Variants in CCDC60 observed in about 807,000 individuals in gnomAD.
The protein encoded by CCDC60 is coiled-coil domain containing 60, also known as coiled-coil domain-containing protein 60.
Under a neutral mutation model 63.5 loss-of-function variants are expected in CCDC60, and 54 were observed. The ratio of observed to expected loss-of-function variants is 0.85; its 90% CI spans 0.68 to 1.07. CCDC60 has a LOEUF of 1.07. Among genes scored for constraint, CCDC60 ranks in the 50% least tolerant of loss-of-function variants. CCDC60 has a pLI of 0.00. For synonymous variants in CCDC60, 206 were observed against 238.8 expected (o/e 0.86, Z 1.27); for missense variants, 651 against 684.3 (o/e 0.95, Z 0.54).
At chr12:119,392,871 G>T (rs967688740) in intron 1 of CCDC60, among the ~76,000 whole-genome samples, 1 of 152,134 alleles carries the variant, frequency 6.6e-6, no homozygotes, top group African/African-American at 2.4e-5. Context: ...TAACAGTTTT[G>T]TGGCCAGGTG....
chr12:119,355,070 A>G (rs937026620), intron 1 of CCDC60, among the ~76,000 whole-genome samples: 6 of 152,180 alleles, frequency 3.9e-5, no homozygotes, highest in Non-Finnish European at 7.3e-5. Context: ...CCTTGAACAA[A>G]TCACCTCTCA....
Position 119,335,090 on chromosome 12 carries a change from C to G in CCDC60, c.-87C>G. 2 of 1,107,106 alleles carry G rather than the reference C, an allele frequency of 1.8e-6. No individual in the cohort carries two copies. Among genetic ancestry groups the G allele is most frequent in the Non-Finnish European group, 2.6e-6 (2 of 763,534 alleles). The allele number at this position is 1,107,106 out of a possible 1,614,324, so 68.6% of individuals were successfully genotyped here. On this transcript the variant is annotated 5_prime_UTR_variant, in exon 1 of 14. Transcript: ENST00000327554. ...GGGGATCAGGGAGAAGTTGCCGAAA[C>G]TTCTCATACCAGTAACTACTGAAGT...
At chr12:119,452,014 C>A (rs367716356) in intron 2 of CCDC60, among the ~76,000 whole-genome samples, 1 of 152,082 alleles carries the variant, frequency 6.6e-6, no homozygotes. Flanking sequence ...CCCCACAATG[C>A]GCCAAAGGGA....
intron 2 of CCDC60, among the ~76,000 whole-genome samples, chr12:119,464,001 T>C (rs1593125289): frequency 6.6e-6 from 1 of 151,420 alleles, no homozygotes; most frequent in East Asian, 2.0e-4. Context: ...CTCTCTCCCT[T>C]CCTTACTTCC....
At chr12:119,426,515 C>G (rs1956904459) in intron 1 of CCDC60, among the ~76,000 whole-genome samples, 1 of 152,002 alleles carries the variant, frequency 6.6e-6, no homozygotes, top group African/African-American at 2.4e-5. Flanking sequence ...ACCACACATG[C>G]TTGGCTAATT....
intron 7 of CCDC60, among the ~76,000 whole-genome samples, chr12:119,514,533 A>G (rs553281670): frequency 6.6e-6 from 1 of 152,246 alleles, no homozygotes; most frequent in South Asian, 2.1e-4. Flanking sequence ...ATTTTAAAAA[A>G]TAGAAAAATG....
At chr12:119,348,218 T>G (rs1435366189) in intron 1 of CCDC60, among the ~76,000 whole-genome samples, 3 of 152,136 alleles carry the variant, frequency 2.0e-5, no homozygotes, top group Non-Finnish European at 4.4e-5. Context: ...ACCAAAGAAT[T>G]TGAGACACCG....
In CCDC60 at chr12:119,420,919, GGGTTCATGT is replaced by G. The variant is rs1216130982; in HGVS notation, c.91-7762_91-7754del. 3.5e-4 allele frequency among the ~76,000 whole-genome samples: 53 copies of G among 152,062 alleles called. No homozygotes were observed. The highest frequency in any genetic ancestry group is 1.2e-3 in the African/African-American group (50 of 41,396). On this transcript the variant is annotated intron_variant, in intron 1 of 13. Coordinates refer to ENST00000327554, the MANE Select transcript of CCDC60 (RefSeq NM_178499.5). The surrounding 1 kb of genome is among the most constrained non-coding windows in gnomAD (Gnocchi z 4.1). ...CATCCGTGTGCAAGCTAAGGTCTCC[GGGTTCATGT>G]GTGTACTCCTGCCATGATCCCGCCT...
intron 7 of CCDC60, among the ~76,000 whole-genome samples, chr12:119,512,285 C>T (rs1177399821): frequency 1.3e-5 from 2 of 152,206 alleles, no homozygotes; most frequent in African/African-American, 4.8e-5. Flanking sequence ...AAATCTAACT[C>T]ATAGTCCCAA....
intron 2 of CCDC60, among the ~76,000 whole-genome samples, chr12:119,443,569 G>GATA (rs758623022): frequency 1.2e-4 from 19 of 152,038 alleles, no homozygotes; most frequent in East Asian, 3.9e-4. Flanking sequence ...TCAAAGTCAT[G>GATA]ATAATAATAA....
chr12:119,390,521 G>A (rs1956138325), intron 1 of CCDC60, among the ~76,000 whole-genome samples: 2 of 152,206 alleles, frequency 1.3e-5, no homozygotes, highest in Non-Finnish European at 2.9e-5. Context: ...GTGAATGGGT[G>A]AATGAATGAA....
intron 2 of CCDC60, chr12:119,433,254 T>A: frequency 1.6e-6 from 1 of 613,334 alleles, no homozygotes; most frequent in Admixed American, 2.8e-5. Context: ...TAGAGGGGAT[T>A]AATTATTAAT....
chr12:119,540,929 A>T lies in CCDC60; in HGVS notation c.*214A>T. The T allele has an allele frequency of 2.1e-6, 1 of 477,918 alleles. No individual in the cohort carries two copies. The highest frequency in any genetic ancestry group is 3.7e-6 in the Non-Finnish European group (1 of 269,926). 29.6% of individuals were successfully genotyped at this position (477,918 alleles called of 1,614,324 possible). Reference sequence around the variant, plus strand: ...CCCCTCAATTCCACACCCCAGACCCAACCTACCAGTCTCTGTTCTTCAATG... The same window carrying T: ...CCCCTCAATTCCACACCCCAGACCCTACCTACCAGTCTCTGTTCTTCAATG... On this transcript the variant is annotated 3_prime_UTR_variant, in exon 14 of 14. Coordinates refer to ENST00000327554, the MANE Select transcript of CCDC60 (RefSeq NM_178499.5).
chr12:119,406,228 G>A (rs1288621277), intron 1 of CCDC60, among the ~76,000 whole-genome samples: 1 of 151,640 alleles, frequency 6.6e-6, no homozygotes, highest in East Asian at 1.9e-4. Context: ...GAGAGTTGGG[G>A]TCTTCTTGCC....
chr12:119,515,885 T>C (rs751224051), intron 7 of CCDC60, among the ~76,000 whole-genome samples: 10 of 152,126 alleles, frequency 6.6e-5, no homozygotes, highest in South Asian at 2.1e-4. Context: ...ATTCAGCCTG[T>C]GGATTGCTGG....
At chr12:119,506,145 G>C (rs561760251) in intron 7 of CCDC60, among the ~76,000 whole-genome samples, 1 of 152,160 alleles carries the variant, frequency 6.6e-6, no homozygotes, top group South Asian at 2.1e-4. Context: ...AAAACCTTCT[G>C]CCCTTCTTAC....
At chr12:119,383,539 C>G (rs7297109) in intron 1 of CCDC60, among the ~76,000 whole-genome samples, 29,428 of 152,110 alleles carry the variant, frequency 0.19, 3,473 homozygotes, top group Non-Finnish European at 0.27. Flanking sequence ...TCTAGGGCCG[C>G]GACAGCTATG....
At position 119,520,132 on chromosome 12, in the gene CCDC60, T is replaced by C; in HGVS notation, c.980T>C (p.Val327Ala). The part of the protein sequence containing the change: ...MQRKAPSILS[V>A]LKQNKSNSAY... The stretch of plus-strand genomic sequence containing the variant: ...ATTTTGCCTTGCAGCATCTTGTCAG[T>C]GCTGAAACAAAACAAGAGTAATTCT... The change falls in exon 9 of 14, where the codon GTG becomes GCG. Residue 327 changes from valine (V) to alanine (A), a missense_variant. Physicochemically the swap from Val to Ala is moderately conservative, Grantham distance 64. Transcript: ENST00000327554. 1 of 1,613,974 alleles carries C rather than the reference T, an allele frequency of 6.2e-7. No homozygotes were observed. Among genetic ancestry groups the C allele is most frequent in the Non-Finnish European group, 8.5e-7 (1 of 1,179,946 alleles).
intron 7 of CCDC60, among the ~76,000 whole-genome samples, chr12:119,507,565 T>C (rs1453472774): frequency 1.6e-4 from 11 of 67,562 alleles, no homozygotes; most frequent in African/African-American, 5.9e-4. Context: ...TATATATATA[T>C]ATATGTATAT....
Sources: gnomAD v4.1 joint callset for allele counts (sites outside exome capture counted in the v4.1 genomes callset) on GRCh38, gnomAD v4.1.1 for gene constraint, Gnocchi (gnomAD v3.1) non-coding constraint, MANE v1.5 for transcripts, NCBI Gene and HGNC (gene_info 2026-07-23, HGNC 2026-07-21) for gene names.